CCDC33: variants seen among roughly 807,000 people sequenced by gnomAD.
CCDC33 encodes coiled-coil domain containing 33, also known as coiled-coil domain-containing protein 33.
A neutral mutation model predicts 91.9 loss-of-function variants in CCDC33; 94 were observed. The ratio of observed to expected loss-of-function variants is 1.02; its 90% confidence interval spans 0.87 to 1.21. The LOEUF (loss-of-function observed/expected upper bound fraction) is 1.21, where lower values mean the gene tolerates loss of function less well. Ranked by LOEUF, CCDC33 falls within the 50% of genes most tolerant of loss-of-function variation. CCDC33 has a pLI of 0.00. For synonymous variants in CCDC33, 396 were observed against 374.5 expected (o/e 1.06, Z -0.66); for missense variants, 940 against 935.5 (o/e 1.00, Z -0.06).
chr15:74,299,671 C>G (rs2059754585), intron 11 of CCDC33: 1 of 152,338 alleles, frequency 6.6e-6, no homozygotes, highest in Non-Finnish European at 1.5e-5. Flanking sequence ...CTCAGTCAAC[C>G]TGGCACCATC....
At chr15:74,245,875 C>T (rs1435682735) in intron 2 of CCDC33, among the ~76,000 whole-genome samples, 2 of 152,228 alleles carry the variant, frequency 1.3e-5, no homozygotes, top group African/African-American at 4.8e-5. Flanking sequence ...ACAGGCGAAG[C>T]TGCCACCAGC....
chr15:74,217,938 G>C (rs974143442), intron 1 of CCDC33, among the ~76,000 whole-genome samples: 1 of 152,042 alleles, frequency 6.6e-6, no homozygotes, highest in Admixed American at 6.5e-5. Flanking sequence ...AGCCCTGTGT[G>C]CCTGTCCCTG....
intron 11 of CCDC33, chr15:74,304,545 A>G (rs2059856358): frequency 6.6e-6 from 1 of 152,192 alleles, no homozygotes; most frequent in Non-Finnish European, 1.5e-5. Context: ...GCTCCGTTTC[A>G]ATTTGCAGAG....
intron 2 of CCDC33, among the ~76,000 whole-genome samples, chr15:74,230,520 C>T (rs351171): frequency 0.99 from 150,786 of 152,338 alleles, 74,650 homozygotes; most frequent in East Asian, 1. Flanking sequence ...GGAGCTGGGC[C>T]GCCCCAAATG....
intron 8 of CCDC33, 127 bp downstream of exon 8, chr15:74,280,219 T>C (rs894569325): frequency 1.4e-5 from 16 of 1,163,006 alleles, no homozygotes; most frequent in Non-Finnish European, 1.9e-5. Context: ...CCAGGCGGCT[T>C]CCTAATGCAG....
intron 1 of CCDC33, chr15:74,208,106 G>A: frequency 8.7e-7 from 1 of 1,145,766 alleles, no homozygotes; most frequent in Admixed American, 3.9e-5. Flanking sequence ...TGGTGAGGAG[G>A]AGGAGGGTAG....
At chr15:74,296,811 T>C (rs1417611182) in intron 11 of CCDC33, among the ~76,000 whole-genome samples, 1 of 152,124 alleles carries the variant, frequency 6.6e-6, no homozygotes, top group Non-Finnish European at 1.5e-5. Flanking sequence ...CAGCCCTCGA[T>C]GCAGAGAGCT....
chr15:74,241,101 C>T (rs540213420), intron 1 of CCDC33, among the ~76,000 whole-genome samples: 7 of 152,264 alleles, frequency 4.6e-5, no homozygotes, highest in Admixed American at 2.6e-4. Context: ...CTTCCCCTCC[C>T]CTCATTCTCC....
upstream of CCDC33, among the ~76,000 whole-genome samples, chr15:74,235,880 T>G (rs2075137553): frequency 6.6e-6 from 1 of 152,234 alleles, no homozygotes; most frequent in Non-Finnish European, 1.5e-5. Context: ...TTAGAATGTA[T>G]GCTCTTACCC....
At chr15:74,335,190 C>A in intron 18 of CCDC33, 102 bp downstream of exon 18, 2 of 918,936 alleles carry the variant, frequency 2.2e-6, no homozygotes, top group Non-Finnish European at 3.7e-6. Context: ...CATTGTGGAG[C>A]CAACTCCAGG....
chr15:74,270,288 C>T (rs764337018), intron 5 of CCDC33, among the ~76,000 whole-genome samples: 60 of 152,212 alleles, frequency 3.9e-4, no homozygotes, highest in Non-Finnish European at 2.4e-4. Context: ...CCTGGGCCCT[C>T]GCCAGCCACA....
rs2074284776 is a variant in CCDC33, at chr15:74,207,436, CACTCAAACTCTGGCAA to C, written n.90-1934_90-1919del. On this transcript the variant is annotated intron_variant and non_coding_transcript_variant, in intron 1 of 3. Transcript: ENST00000558645. Reference sequence around the variant, plus strand: ...TCAGAACCACTGCAACACCTCAGGACACTCAAACTCTGGCAAACTCAAACTCTGGCAAATCAACCAC... The same window carrying C: ...TCAGAACCACTGCAACACCTCAGGACACTCAAACTCTGGCAAATCAACCAC... Among the ~76,000 whole-genome samples, 4 of 152,130 alleles carry C rather than the reference CACTCAAACTCTGGCAA, an allele frequency of 2.6e-5. No individual in the cohort carries two copies. The South Asian group carries it at 6.2e-4, about 24-fold the overall frequency.
chr15:74,232,251 C>A (rs543434872), upstream of CCDC33, among the ~76,000 whole-genome samples: 1 of 152,212 alleles, frequency 6.6e-6, no homozygotes, highest in East Asian at 1.9e-4. Context: ...AGCCAGGGTC[C>A]TGCCAGGAAA....
chr15:74,236,193 C>A (rs2075149067), upstream of CCDC33: 1 of 152,752 alleles, frequency 6.5e-6, no homozygotes, highest in Admixed American at 6.5e-5. Flanking sequence ...GCAGGTGGAA[C>A]ACAGCTCCAG....
intron 2 of CCDC33, among the ~76,000 whole-genome samples, chr15:74,248,558 G>A (rs1263061752): frequency 6.6e-6 from 1 of 152,106 alleles, no homozygotes; most frequent in African/African-American, 2.4e-5. Context: ...TGCAGGGATC[G>A]GGGCAGGGGA....
chr15:74,318,285 G>A (rs1357940208), intron 11 of CCDC33, among the ~76,000 whole-genome samples: 1 of 152,086 alleles, frequency 6.6e-6, no homozygotes, highest in African/African-American at 2.4e-5. Flanking sequence ...CCAAGGTGTA[G>A]CCAAGGGCAG....
chr15:74,271,580 C>T (rs2076317891), intron 5 of CCDC33, 123 bp from the exon 6 acceptor site: 1 of 668,784 alleles, frequency 1.5e-6, no homozygotes, highest in Non-Finnish European at 2.7e-6. Flanking sequence ...AAGCAGGTGT[C>T]AAGTGTGGAG....
chr15:74,308,354 G>GACACATACAC (rs5813758), intron 11 of CCDC33, among the ~76,000 whole-genome samples: 1 of 141,942 alleles, frequency 7.0e-6, no homozygotes, highest in East Asian at 2.1e-4. Context: ...TGTGCAGACA[G>GACACATACAC]ACAGACACAC....
chr15:74,268,522 C>G (rs1240064232), intron 5 of CCDC33, 64 bp downstream of exon 5: 12 of 1,262,796 alleles, frequency 9.5e-6, no homozygotes, highest in Non-Finnish European at 1.3e-5. Flanking sequence ...TTTGAGCAGG[C>G]CCCACGCCTT....
Sources: allele counts gnomAD v4.1 joint callset (sites outside exome capture counted in the v4.1 genomes callset), GRCh38; gene constraint gnomAD v4.1.1; transcripts MANE v1.5; gene names NCBI Gene and HGNC (gene_info 2026-07-23, HGNC 2026-07-21).